Variants in SNTG1 observed in about 807,000 individuals in gnomAD.
SNTG1 encodes syntrophin gamma 1, also known as gamma-1-syntrophin.
A neutral mutation model predicts 74.7 loss-of-function variants in SNTG1; 39 were observed. The ratio of observed to expected loss-of-function variants is 0.52; its 90% CI spans 0.40 to 0.68. The LOEUF (loss-of-function observed/expected upper bound fraction) is 0.68. Ranked by LOEUF, SNTG1 falls within the 30% of genes least tolerant of loss-of-function variation. The pLI, the probability that SNTG1 is intolerant of heterozygous loss-of-function variation, is 0.00. For synonymous variants in SNTG1, 254 were observed against 217.1 expected (o/e 1.17, Z -1.49); for missense variants, 685 against 609.5 (o/e 1.12, Z -1.30).
At chr8:50,045,166 T>G (rs930477380) in intron 1 of SNTG1, among the ~76,000 whole-genome samples, 1 of 152,166 alleles carries the variant, frequency 6.6e-6, no homozygotes, top group Non-Finnish European at 1.5e-5. Context: ...TTAACTCGCT[T>G]GGTGTATTAG....
chr8:50,648,220 A>T (rs1249679698), intron 13 of SNTG1, among the ~76,000 whole-genome samples: 1 of 152,170 alleles, frequency 6.6e-6, no homozygotes. Flanking sequence ...CTCAGTTCAA[A>T]ATCATAAAAC....
intron 1 of SNTG1, among the ~76,000 whole-genome samples, chr8:50,127,475 G>A (rs1325047397): frequency 6.6e-6 from 1 of 151,928 alleles, no homozygotes; most frequent in African/African-American, 2.4e-5. Context: ...TGGTTATTCT[G>A]GCCCACCGCC....
intron 8 of SNTG1, among the ~76,000 whole-genome samples, chr8:50,501,616 T>TA (rs2093957243): frequency 6.7e-6 from 1 of 149,136 alleles, no homozygotes; most frequent in Non-Finnish European, 1.5e-5. Flanking sequence ...TTTTTATTTT[T>TA]TTTTTTTTTT....
chr8:50,417,436 G>A (rs1440017618), intron 4 of SNTG1, among the ~76,000 whole-genome samples: 1 of 152,126 alleles, frequency 6.6e-6, no homozygotes, highest in Admixed American at 6.6e-5. Flanking sequence ...TTCTTAGCAT[G>A]TAGAATTATA....
intron 1 of SNTG1, among the ~76,000 whole-genome samples, chr8:50,155,156 G>A (rs1393218828): frequency 2.0e-5 from 3 of 152,180 alleles, no homozygotes; most frequent in Non-Finnish European, 4.4e-5. Context: ...TTGTAGTGCT[G>A]CTGCATTTGA....
chr8:50,560,552 G>T (rs1291785085), intron 12 of SNTG1, among the ~76,000 whole-genome samples: 1 of 152,192 alleles, frequency 6.6e-6, no homozygotes, highest in Non-Finnish European at 1.5e-5. Flanking sequence ...AAAGGAACAA[G>T]ATCATGTCCT....
intron 2 of SNTG1, among the ~76,000 whole-genome samples, chr8:50,366,966 G>A (rs1270574480): frequency 5.4e-5 from 8 of 148,650 alleles, no homozygotes; most frequent in African/African-American, 2.0e-4. Context: ...GACGCAAATA[G>A]TAAGGAGTAG....
At chr8:50,025,948 A>G (rs1817229056) in intron 1 of SNTG1, among the ~76,000 whole-genome samples, 1 of 152,164 alleles carries the variant, frequency 6.6e-6, no homozygotes, top group South Asian at 2.1e-4. Flanking sequence ...GCAGCCAGCA[A>G]TCCTCCCTGG....
intron 1 of SNTG1, among the ~76,000 whole-genome samples, chr8:49,978,379 C>CA (rs1812380005): frequency 1.3e-5 from 2 of 151,924 alleles, no homozygotes; most frequent in Admixed American, 1.3e-4. Context: ...GAAAAGAAAG[C>CA]AATGCAAAAA....
At chr8:50,092,951 CA>C (rs1448416015) in intron 1 of SNTG1, among the ~76,000 whole-genome samples, 6 of 152,000 alleles carry the variant, frequency 3.9e-5, no homozygotes, top group Non-Finnish European at 8.8e-5. Context: ...GGATTTATCC[CA>C]AAAGGAAAGC....
At chr8:50,788,427 G>A (rs997110796) in intron 18 of SNTG1, among the ~76,000 whole-genome samples, 3 of 152,006 alleles carry the variant, frequency 2.0e-5, no homozygotes, top group Non-Finnish European at 2.9e-5. Flanking sequence ...GTGGGAAACA[G>A]GTATGCAAAT....
chr8:50,705,846 C>T (rs916582451), intron 16 of SNTG1, among the ~76,000 whole-genome samples: 1 of 152,208 alleles, frequency 6.6e-6, no homozygotes, highest in Non-Finnish European at 1.5e-5. Flanking sequence ...CTGTGGCTGA[C>T]CTCAAACAGA....
chr8:49,987,578 C>T (rs758116115), intron 1 of SNTG1, among the ~76,000 whole-genome samples: 7 of 151,578 alleles, frequency 4.6e-5, no homozygotes, highest in African/African-American at 9.7e-5. Context: ...AATTAGTGGA[C>T]GCTAACAGCC....
chr8:50,680,129 C>T (rs967951235), intron 15 of SNTG1, among the ~76,000 whole-genome samples: 2 of 152,128 alleles, frequency 1.3e-5, no homozygotes, highest in Non-Finnish European at 2.9e-5. Context: ...ATGTACAATT[C>T]CTAAAACTTG....
intron 15 of SNTG1, among the ~76,000 whole-genome samples, chr8:50,666,486 A>G (rs567547664): frequency 6.6e-6 from 1 of 152,264 alleles, no homozygotes; most frequent in East Asian, 1.9e-4. Context: ...TGAGGGTGGG[A>G]GGTAATGAAG....
At chr8:50,676,553 T>G (rs972299798) in intron 15 of SNTG1, among the ~76,000 whole-genome samples, 2 of 151,962 alleles carry the variant, frequency 1.3e-5, no homozygotes, top group African/African-American at 4.8e-5. Flanking sequence ...GGTTTTTAGC[T>G]TCTTTGCATT....
intron 15 of SNTG1, among the ~76,000 whole-genome samples, chr8:50,659,227 C>T (rs1276195611): frequency 2.0e-5 from 3 of 152,102 alleles, no homozygotes; most frequent in Admixed American, 6.6e-5. Context: ...AATATCAAGC[C>T]ATCACAAATT....
At chr8:50,138,041 C>T (rs532469661) in intron 1 of SNTG1, among the ~76,000 whole-genome samples, 25 of 152,204 alleles carry the variant, frequency 1.6e-4, no homozygotes, top group African/African-American at 5.5e-4. Flanking sequence ...TGCTTGAATT[C>T]CATTCTGTTG....
chr8:50,445,752 G>A (rs1027947373), intron 5 of SNTG1, among the ~76,000 whole-genome samples: 18 of 152,148 alleles, frequency 1.2e-4, no homozygotes, highest in African/African-American at 4.3e-4. Context: ...CCACAGTCAT[G>A]AGCCACAGTC....
Sources: allele counts gnomAD v4.1 joint callset (sites outside exome capture counted in the v4.1 genomes callset), GRCh38; gene constraint gnomAD v4.1.1; transcripts MANE v1.5; gene names NCBI Gene and HGNC (gene_info 2026-07-23, HGNC 2026-07-21).